The following RFX3 variants were observed in gnomAD, a reference collection of about 807,000 sequenced individuals.
RFX3 encodes transcription factor RFX3.
A neutral mutation model predicts 98.6 loss-of-function variants in RFX3; 14 were observed. The ratio of observed to expected loss-of-function variants is 0.14; its 90% CI spans 0.09 to 0.22. The LOEUF (loss-of-function observed/expected upper bound fraction) is 0.22. RFX3 is among the 10% of genes least tolerant of loss of function. RFX3 has a pLI of 1.00. For synonymous variants in RFX3, 383 were observed against 328.4 expected, an observed-to-expected ratio of 1.17 and a Z score of -1.80; for missense variants, 639 against 926.9, an observed-to-expected ratio of 0.69 and a Z score of 4.03.
At chr9:3,447,757 G>C (rs1489822421) in intron 1 of RFX3, among the ~76,000 whole-genome samples, 3 of 152,160 alleles carry the variant, frequency 2.0e-5, no homozygotes, top group African/African-American at 4.8e-5. Context: ...TAAGTAAGAA[G>C]CATTCATAAG....
chr9:3,376,224 A>G (rs1838474546), intron 2 of RFX3, among the ~76,000 whole-genome samples: 1 of 152,214 alleles, frequency 6.6e-6, no homozygotes, highest in African/African-American at 2.4e-5. Context: ...GAACTCTCAT[A>G]TACTGCTGGT....
At chr9:3,233,351 A>G (rs1368271936) in intron 15 of RFX3, among the ~76,000 whole-genome samples, 1 of 152,232 alleles carries the variant, frequency 6.6e-6, no homozygotes, top group Non-Finnish European at 1.5e-5. Context: ...GCATACTGAG[A>G]GGAACCTGGC....
chr9:3,408,706 A>G (rs1182232837), intron 1 of RFX3, among the ~76,000 whole-genome samples: 1 of 152,032 alleles, frequency 6.6e-6, no homozygotes, highest in Non-Finnish European at 1.5e-5. Flanking sequence ...CACACAGTAC[A>G]TCACACATGC....
Position 3,513,569 on chromosome 9 carries a change from A to G in RFX3, c.-9+12178T>C, listed in dbSNP as rs555527251. 3.3e-5 allele frequency among the ~76,000 whole-genome samples: 5 copies of G among 152,308 alleles called. No homozygotes were observed. In the East Asian group the frequency reaches 9.6e-4, roughly 29 times the overall value. On this transcript the variant is annotated intron_variant, in intron 1 of 16. Coordinates refer to ENST00000617270, the MANE Select transcript of RFX3 (RefSeq NM_001282116.2). ...TTGGGAAATTCCAGGCAGCAATGAA[A>G]ATTAACAAAACACATTTTAATAGAG...
At chr9:3,340,531 C>T (rs564403073) in intron 3 of RFX3, among the ~76,000 whole-genome samples, 108 of 152,096 alleles carry the variant, frequency 7.1e-4, no homozygotes, top group Non-Finnish European at 1.2e-3. Flanking sequence ...ATCCAGAATC[C>T]GCAATGAACT....
intron 2 of RFX3, among the ~76,000 whole-genome samples, chr9:3,359,276 A>T (rs897175944): frequency 2.0e-5 from 3 of 152,178 alleles, no homozygotes; most frequent in African/African-American, 7.2e-5. Context: ...TCATTCTACC[A>T]GTGAGAAGTT....
intron 1 of RFX3, among the ~76,000 whole-genome samples, chr9:3,470,379 A>C (rs1356511253): frequency 6.8e-6 from 1 of 147,130 alleles, no homozygotes; most frequent in Non-Finnish European, 1.5e-5. Context: ...CAGTGGTGCG[A>C]TCTTGACTCA....
intron 1 of RFX3, among the ~76,000 whole-genome samples, chr9:3,509,633 A>G (rs1376626641): frequency 6.6e-6 from 1 of 152,012 alleles, no homozygotes; most frequent in Non-Finnish European, 1.5e-5. Context: ...AAAATAATCC[A>G]TATACCAAAA....
chr9:3,451,066 T>C (rs1018982401), intron 1 of RFX3, among the ~76,000 whole-genome samples: 3 of 151,992 alleles, frequency 2.0e-5, no homozygotes, highest in Non-Finnish European at 4.4e-5. Flanking sequence ...CATCCTGCAG[T>C]GTAGGAAAGC....
Position 3,392,668 on chromosome 9 carries a change from T to C in RFX3, c.117+2804A>G, listed in dbSNP as rs1007443573. On this transcript the variant is annotated intron_variant, in intron 2 of 16. Transcript: ENST00000617270. Reference sequence around the variant, plus strand: ...GTATTTGAAAATAGGCCTGCATCAATGCACATCATCATAAAGTTCATAAAA... The same window carrying C: ...GTATTTGAAAATAGGCCTGCATCAACGCACATCATCATAAAGTTCATAAAA... Among the ~76,000 whole-genome samples, 9 of 152,094 alleles carry C rather than the reference T, an allele frequency of 5.9e-5. No individual in the cohort carries two copies. In the South Asian group the frequency reaches 1.9e-3, roughly 32 times the overall value.
chr9:3,442,645 C>T (rs1280657019), intron 1 of RFX3, among the ~76,000 whole-genome samples: 3 of 152,114 alleles, frequency 2.0e-5, no homozygotes, highest in Non-Finnish European at 4.4e-5. Flanking sequence ...TTATTTAAAA[C>T]GTTCACAAAA....
intron 1 of RFX3, among the ~76,000 whole-genome samples, chr9:3,442,161 T>C (rs1309300996): frequency 1.3e-5 from 2 of 151,960 alleles, no homozygotes; most frequent in South Asian, 2.1e-4. Flanking sequence ...GATCACACCA[T>C]TGCACTCCAG....
chr9:3,524,831 A>G (rs1330081434), intron 1 of RFX3, among the ~76,000 whole-genome samples: 26 of 7,924 alleles, frequency 3.3e-3, no homozygotes, highest in East Asian at 0.021. Context: ...TCACAAGCAC[A>G]CACACACACA....
At chr9:3,294,547 C>T (rs1827771816) in intron 5 of RFX3, among the ~76,000 whole-genome samples, 1 of 151,954 alleles carries the variant, frequency 6.6e-6, no homozygotes. Flanking sequence ...AAAAATTTCT[C>T]CATTTTACTT....
At chr9:3,438,789 A>G (rs1251352895) in intron 1 of RFX3, among the ~76,000 whole-genome samples, 3 of 152,048 alleles carry the variant, frequency 2.0e-5, no homozygotes, top group Non-Finnish European at 4.4e-5. Context: ...TTAGGAATAC[A>G]GAGAATAATT....
chr9:3,285,797 T>C (rs550291871), intron 7 of RFX3, among the ~76,000 whole-genome samples: 20 of 151,818 alleles, frequency 1.3e-4, no homozygotes, highest in Non-Finnish European at 1.9e-4. Context: ...GAGATTCTTA[T>C]ATCATTTCTG....
At chr9:3,308,103 A>C (rs1322991699) in intron 4 of RFX3, among the ~76,000 whole-genome samples, 1 of 152,156 alleles carries the variant, frequency 6.6e-6, no homozygotes, top group African/African-American at 2.4e-5. Context: ...CTGAACTAAG[A>C]TACACTGCCT....
chr9:3,234,504 G>T (rs921686247), intron 15 of RFX3, among the ~76,000 whole-genome samples: 8 of 152,158 alleles, frequency 5.3e-5, no homozygotes, highest in Non-Finnish European at 1.5e-5. Context: ...AGCTGGGTGT[G>T]GTGGCACACG....
intron 15 of RFX3, among the ~76,000 whole-genome samples, chr9:3,246,425 C>T (rs1820682734): frequency 6.6e-6 from 1 of 152,172 alleles, no homozygotes; most frequent in Non-Finnish European, 1.5e-5. Flanking sequence ...CTCACATCCA[C>T]TGCCTTTGTT....
Sources: gnomAD v4.1 joint callset for allele counts (sites outside exome capture counted in the v4.1 genomes callset) on GRCh38, gnomAD v4.1.1 for gene constraint, MANE v1.5 for transcripts, NCBI Gene and HGNC (gene_info 2026-07-23, HGNC 2026-07-21) for gene names.